Variants in ZC3H13 observed in about 807,000 individuals in gnomAD.
The protein encoded by ZC3H13 is zinc finger CCCH-type containing 13, also known as zinc finger CCCH domain-containing protein 13.
Under a neutral mutation model 204.1 loss-of-function variants are expected in ZC3H13, and 64 were observed. The ratio of observed to expected loss-of-function variants is 0.31; its 90% CI spans 0.26 to 0.39. ZC3H13 has a LOEUF of 0.39. ZC3H13 is among the 10% of genes least tolerant of loss of function. The probability of loss-of-function intolerance (pLI) is 1.00; values close to 1 mark genes in which losing one functional copy is unlikely to be tolerated. For synonymous variants in ZC3H13, 667 were observed against 693.7 expected (o/e 0.96, Z 0.60); for missense variants, 1,833 against 2,082.7 (o/e 0.88, Z 2.33).
intron 2 of ZC3H13, 86 bp from the exon 3 acceptor site, chr13:46,045,150 C>G: frequency 8.1e-7 from 1 of 1,235,122 alleles, no homozygotes; most frequent in Non-Finnish European, 1.1e-6. Flanking sequence ...ACAAATGCTA[C>G]CAAAATTCCA....
intron 17 of ZC3H13, among the ~76,000 whole-genome samples, chr13:45,961,740 G>A (rs1447743641): frequency 6.6e-6 from 1 of 151,924 alleles, no homozygotes; most frequent in Non-Finnish European, 1.5e-5. Context: ...AACAGTAATT[G>A]GATTGTAATA....
rs937133829 is a variant in ZC3H13, at chr13:45,955,417, T to C, written c.*1710A>G. ...TTGCAACATACATAACAAAAAGATT[T>C]CAAACTGAAAGACAACAGGTTTAAC... On this transcript the variant is annotated 3_prime_UTR_variant, in exon 19 of 19. Coordinates refer to ENST00000679008, the MANE Select transcript of ZC3H13 (RefSeq NM_001330564.2). 1 of 152,178 alleles carries C rather than the reference T, an allele frequency of 6.6e-6. No homozygotes were observed. Among genetic ancestry groups the C allele is most frequent in the Non-Finnish European group, 1.5e-5 (1 of 68,012 alleles). 9.4% of individuals were successfully genotyped at this position (152,178 alleles called of 1,614,324 possible).
At position 45,975,581 on chromosome 13, in the gene ZC3H13, C is replaced by G; in HGVS notation, c.2170G>C (p.Asp724His). ...EREREREKER[D>H]RERDRDRDHD... Reference sequence around the variant, plus strand: ...TCTCGGTCTCTATCCCTTTCACGATCTCTCTCTTTTTCTCTTTCTCTCTCC... The same window carrying G: ...TCTCGGTCTCTATCCCTTTCACGATGTCTCTCTTTTTCTCTTTCTCTCTCC... The change falls in exon 12 of 19, where the codon GAT becomes CAT. Residue 724 changes from aspartate to histidine, a missense_variant. By Grantham distance (81) the Asp-to-His change is moderately conservative (BLOSUM62 -1). This residue lies in a region of ZC3H13 where 1,574 missense variants were observed against 1,757.2 expected (regional missense o/e 0.90). Transcript: ENST00000679008. 1 of 1,572,086 alleles carries G rather than the reference C, an allele frequency of 6.4e-7. No homozygotes were observed.
chr13:45,983,593 AT>A lies in ZC3H13; in HGVS notation c.1720+1703del, dbSNP rs553898553. Among the ~76,000 whole-genome samples, 5 of 146,534 alleles carry A rather than the reference AT, an allele frequency of 3.4e-5. No homozygotes were observed. The East Asian group carries it at 8.0e-4, about 23-fold the overall frequency. ...AGGCGCCCACCACCACGCCCGGCTA[AT>A]TTTTTTGTATTTTTAGTAGAGACGG... On this transcript the variant is annotated intron_variant, in intron 10 of 18. Coordinates refer to ENST00000679008, the MANE Select transcript of ZC3H13 (RefSeq NM_001330564.2).
At position 46,011,377 on chromosome 13, in the gene ZC3H13, AT is replaced by A. The variant is rs2041551579; in HGVS notation, c.588+37del. ...TTATCTGATCAATACAAATGCTGCT[AT>A]TAAGTACTAACATATTTATTGCAAT... On this transcript the variant is annotated intron_variant, in intron 6 of 18. Transcript: ENST00000679008. 4.5e-6 allele frequency: 7 copies of A among 1,557,602 alleles called. No homozygotes were observed. The East Asian group carries it at 1.6e-4, about 35-fold the overall frequency.
intron 7 of ZC3H13, among the ~76,000 whole-genome samples, chr13:46,005,659 T>C (rs539803540): frequency 6.6e-6 from 1 of 152,056 alleles, no homozygotes; most frequent in Non-Finnish European, 1.5e-5. Flanking sequence ...CTGGCTAAAT[T>C]TCATATTTTT....
chr13:45,977,078 T>G (rs938980819), intron 11 of ZC3H13, among the ~76,000 whole-genome samples: 1 of 152,170 alleles, frequency 6.6e-6, no homozygotes, highest in African/African-American at 2.4e-5. Flanking sequence ...CCCTTTCTAT[T>G]TAAAAACAGA....
intron 16 of ZC3H13, 93 bp from the exon 17 acceptor site, chr13:45,964,135 G>C (rs1951894464): frequency 1.6e-6 from 2 of 1,239,948 alleles, no homozygotes; most frequent in Admixed American, 2.7e-5. Flanking sequence ...GGAGAAAACA[G>C]AAAAAATGAA....
intron 12 of ZC3H13, among the ~76,000 whole-genome samples, chr13:45,970,686 T>G (rs1354733908): frequency 6.6e-6 from 1 of 152,242 alleles, no homozygotes; most frequent in African/African-American, 2.4e-5. Flanking sequence ...TTTCTTCTTC[T>G]TCTTCATTAT....
At chr13:45,990,211 TC>T (rs2138285716) in intron 8 of ZC3H13, among the ~76,000 whole-genome samples, 1 of 152,216 alleles carries the variant, frequency 6.6e-6, no homozygotes, top group East Asian at 1.9e-4. Context: ...GTAGCATCCC[TC>T]CCATTCCAAG....
chr13:46,015,175 A>G (rs2041837355), intron 5 of ZC3H13, among the ~76,000 whole-genome samples: 1 of 152,168 alleles, frequency 6.6e-6, no homozygotes, highest in Admixed American at 6.5e-5. Flanking sequence ...TGAAAACATT[A>G]ATGTTCTTCA....
chr13:46,047,818 A>G (rs1178385508), intron 1 of ZC3H13, among the ~76,000 whole-genome samples: 1 of 152,242 alleles, frequency 6.6e-6, no homozygotes. Flanking sequence ...TTCAATTTTT[A>G]AAACATTTCT....
intron 11 of ZC3H13, 110 bp downstream of exon 11, chr13:45,979,703 C>A (rs1452102904): frequency 2.1e-5 from 23 of 1,106,484 alleles, no homozygotes; most frequent in Non-Finnish European, 2.5e-5. Flanking sequence ...TGTCATCGAG[C>A]ACAAGCCTTA....
At chr13:45,981,425 A>T (rs1013505949) in intron 10 of ZC3H13, among the ~76,000 whole-genome samples, 1 of 152,252 alleles carries the variant, frequency 6.6e-6, no homozygotes, top group Non-Finnish European at 1.5e-5. Context: ...TGCTATTGTG[A>T]ATAGTGCCGC....
intron 5 of ZC3H13, among the ~76,000 whole-genome samples, chr13:46,018,669 A>C (rs1387961001): frequency 1.3e-5 from 2 of 152,136 alleles, no homozygotes; most frequent in African/African-American, 4.8e-5. Flanking sequence ...TAGATAGCAA[A>C]AAAGAGAAAT....
chr13:46,036,774 G>A (rs1452397989), intron 4 of ZC3H13, among the ~76,000 whole-genome samples: 1 of 151,870 alleles, frequency 6.6e-6, no homozygotes, highest in Non-Finnish European at 1.5e-5. Context: ...TGTCACCCAG[G>A]CTAGCATGAT....
rs1566135421 is a variant in ZC3H13 at position 45,959,594 on chromosome 13, T to C, written c.4728A>G (p.Leu1576=). ...HELGALNMAA[L]LRKEERASLL... ...GACTTGCTCTTTCTTCTTTTCGTAG[T>C]AATGCAGCCATATTGAGAGCCCCCA... The change falls in exon 18 of 19, where the codon TTA becomes TTG. Residue 1576 remains leucine, a synonymous_variant. Coordinates refer to ENST00000679008, the MANE Select transcript of ZC3H13 (RefSeq NM_001330564.2). 9.7e-6 allele frequency: 15 copies of C among 1,548,532 alleles called. No individual in the cohort carries two copies. The highest frequency in any genetic ancestry group is 1.1e-5 in the Non-Finnish European group (13 of 1,146,122).
At position 46,003,285 on chromosome 13, in the gene ZC3H13, T is replaced by C; in HGVS notation, c.798A>G (p.Pro266=). Reference sequence around the variant, plus strand: ...CGATATCTTCTGGTATAGGAGGGGGTGGACTAGGAGTACGTGGTCCTTTCT... The same window carrying C: ...CGATATCTTCTGGTATAGGAGGGGGCGGACTAGGAGTACGTGGTCCTTTCT... ...SKKKGPRTPS[P]PPPIPEDIAL... is the part of the protein sequence containing the mutation. Residue 266 remains proline (P), a synonymous_variant, in exon 8 of 19, where the codon CCA becomes CCG. Transcript: ENST00000679008. 1 of 1,612,758 alleles carries C rather than the reference T, an allele frequency of 6.2e-7. No homozygotes were observed. The highest frequency in any genetic ancestry group is 1.1e-5 in the South Asian group (1 of 90,644).
At chr13:45,973,757 A>G (rs950098443) in intron 12 of ZC3H13, among the ~76,000 whole-genome samples, 3 of 152,136 alleles carry the variant, frequency 2.0e-5, no homozygotes, top group Non-Finnish European at 4.4e-5. Flanking sequence ...CTTAGAAAAT[A>G]AAGAGGTCAG....
Sources: allele counts gnomAD v4.1 joint callset (sites outside exome capture counted in the v4.1 genomes callset), GRCh38; gene constraint gnomAD v4.1.1; regional missense constraint gnomAD v4.1.1; transcripts MANE v1.5; gene names NCBI Gene and HGNC (gene_info 2026-07-23, HGNC 2026-07-21).